The following SHANK2 variants were observed in gnomAD, a reference collection of about 807,000 sequenced individuals.
SHANK2 encodes SH3 and multiple ankyrin repeat domains 2.
SHANK2 carries 43 observed loss-of-function variants against 133.7 expected under a neutral mutation model. The ratio of observed to expected loss-of-function variants is 0.32; its 90% confidence interval spans 0.25 to 0.41. The LOEUF (loss-of-function observed/expected upper bound fraction) is 0.41, where lower values mean the gene tolerates loss of function less well. Ranked by LOEUF, SHANK2 falls within the 10% of genes least tolerant of loss-of-function variation. SHANK2 has a pLI of 1.00. For missense variants in SHANK2, 1,994 were observed against 2,235.8 expected (o/e 0.89, Z 2.18); for synonymous variants, 1,017 against 952.8 (o/e 1.07, Z -1.24).
chr11:70,861,182 T>A (rs1417358681), intron 11 of SHANK2, among the ~76,000 whole-genome samples: 1 of 152,204 alleles, frequency 6.6e-6, no homozygotes, highest in Non-Finnish European at 1.5e-5. Flanking sequence ...AACCCTGCAG[T>A]TGGAAGGTCA....
At chr11:70,565,535 C>T (rs2059957749) in intron 17 of SHANK2, among the ~76,000 whole-genome samples, 2 of 152,200 alleles carry the variant, frequency 1.3e-5, no homozygotes, top group Non-Finnish European at 1.5e-5. Flanking sequence ...CGTGAGCCAC[C>T]ACGCCTGGCC....
At chr11:70,875,549 AAC>A in intron 11 of SHANK2, among the ~76,000 whole-genome samples, 1 of 151,830 alleles carries the variant, frequency 6.6e-6, no homozygotes, top group African/African-American at 2.4e-5. Flanking sequence ...CAACAACAAC[AAC>A]AACAACAACA....
chr11:71,183,579 G>A (rs527998794), intron 2 of SHANK2, among the ~76,000 whole-genome samples: 11 of 152,268 alleles, frequency 7.2e-5, no homozygotes, highest in African/African-American at 2.4e-4. Flanking sequence ...CAATGCATGC[G>A]GCTCACAGGC....
chr11:70,549,508 A>G (rs1484430210), intron 17 of SHANK2, among the ~76,000 whole-genome samples: 1 of 152,160 alleles, frequency 6.6e-6, no homozygotes. Context: ...GACATTTGCG[A>G]AGCGAGGTTG....
In SHANK2 at chr11:71,128,215, T is replaced by C. The variant is rs1952228238; in HGVS notation, c.208-9183A>G. ...AAGGTGGGAGCAGTGCTGAGTTTCA[T>C]ATTTTGCCTTAGGATGTTTCTCCTC... On this transcript the variant is annotated intron_variant, in intron 3 of 25. Transcript: ENST00000601538. 4.6e-5 allele frequency among the ~76,000 whole-genome samples: 7 copies of C among 152,212 alleles called. No homozygotes were observed. The South Asian group carries it at 1.2e-3, about 27-fold the overall frequency.
chr11:71,087,096 G>T (rs1951429872), intron 8 of SHANK2, among the ~76,000 whole-genome samples: 1 of 152,204 alleles, frequency 6.6e-6, no homozygotes. Flanking sequence ...AGCTGCACAG[G>T]CTCAGGCCCC....
chr11:70,826,934 G>C (rs782414609), intron 11 of SHANK2, among the ~76,000 whole-genome samples: 1 of 152,266 alleles, frequency 6.6e-6, no homozygotes, highest in Non-Finnish European at 1.5e-5. Context: ...TCGGGCTGGT[G>C]CTGGGCGCTC....
intron 11 of SHANK2, among the ~76,000 whole-genome samples, chr11:70,877,437 C>CCCTG (rs780198746): frequency 1.2e-4 from 18 of 152,244 alleles, no homozygotes; most frequent in Non-Finnish European, 1.8e-4. Context: ...AACACCCTTC[C>CCCTG]CCTGCCTGCT....
chr11:70,848,835 CT>C (rs1555064525), intron 11 of SHANK2, among the ~76,000 whole-genome samples: 1 of 152,182 alleles, frequency 6.6e-6, no homozygotes, highest in Non-Finnish European at 1.5e-5. Context: ...AGAGCCAGTC[CT>C]TTCCCCGAGC....
intron 10 of SHANK2, among the ~76,000 whole-genome samples, chr11:70,936,459 C>T (rs1156535974): frequency 6.6e-6 from 1 of 152,078 alleles, no homozygotes; most frequent in Non-Finnish European, 1.5e-5. Flanking sequence ...TTGCAGTGAG[C>T]CGAGATCACC....
intron 2 of SHANK2, among the ~76,000 whole-genome samples, chr11:71,163,111 T>TATACAC (rs1168851236): frequency 7.2e-6 from 1 of 137,960 alleles, no homozygotes; most frequent in African/African-American, 2.7e-5. Context: ...TATATATATA[T>TATACAC]ACAGAATAGA....
At chr11:70,893,901 G>A (rs1359845264) in intron 11 of SHANK2, among the ~76,000 whole-genome samples, 4 of 152,180 alleles carry the variant, frequency 2.6e-5, no homozygotes, top group South Asian at 2.1e-4. Context: ...TGTTAGTCAC[G>A]TGAGCCTGTG....
intron 15 of SHANK2, among the ~76,000 whole-genome samples, chr11:70,683,844 C>T (rs147408527): frequency 0.024 from 3,635 of 151,550 alleles, 79 homozygotes; most frequent in Non-Finnish European, 0.031. Flanking sequence ...AGTGCAGTGG[C>T]GTGATCTTGG....
intron 14 of SHANK2, among the ~76,000 whole-genome samples, chr11:70,717,205 G>T: frequency 6.6e-6 from 1 of 152,158 alleles, no homozygotes; most frequent in East Asian, 1.9e-4. Flanking sequence ...CAGTTTGTCG[G>T]GTTAGGAAAG....
chr11:71,110,836 G>C, intron 5 of SHANK2, among the ~76,000 whole-genome samples: 1 of 152,322 alleles, frequency 6.6e-6, no homozygotes, highest in South Asian at 2.1e-4. Context: ...GTGTGTCCCC[G>C]CAAAATTCAT....
chr11:70,781,960 T>C (rs1227138854), intron 14 of SHANK2, among the ~76,000 whole-genome samples: 3 of 151,988 alleles, frequency 2.0e-5, no homozygotes, highest in African/African-American at 7.2e-5. Flanking sequence ...ATGTCCTTTG[T>C]AGGGACATGG....
intron 2 of SHANK2, among the ~76,000 whole-genome samples, chr11:71,172,996 G>A (rs1419019781): frequency 6.6e-6 from 1 of 152,268 alleles, no homozygotes; most frequent in Non-Finnish European, 1.5e-5. Context: ...GGCTGCTGGA[G>A]GCTGAGAAGT....
At chr11:70,551,091 T>C (rs1554977893) in intron 17 of SHANK2, among the ~76,000 whole-genome samples, 1 of 151,192 alleles carries the variant, frequency 6.6e-6, no homozygotes, top group Non-Finnish European at 1.5e-5. Flanking sequence ...ACCTCATCCC[T>C]GTACTTTGCT....
chr11:70,847,892 A>C (rs7124888), intron 11 of SHANK2, among the ~76,000 whole-genome samples: 6,604 of 152,258 alleles, frequency 0.043, 425 homozygotes, highest in African/African-American at 0.15. Flanking sequence ...CCAGTGGAGG[A>C]CCACCAGGAG....
Sources: allele counts gnomAD v4.1 joint callset (sites outside exome capture counted in the v4.1 genomes callset), GRCh38; gene constraint gnomAD v4.1.1; transcripts MANE v1.5; gene names NCBI Gene and HGNC (gene_info 2026-07-23, HGNC 2026-07-21).